CCDC85A: variants seen among roughly 807,000 people sequenced by gnomAD.
CCDC85A encodes the protein coiled-coil domain-containing protein 85A.
A neutral mutation model predicts 50.2 loss-of-function variants in CCDC85A; 38 were observed. The ratio of observed to expected loss-of-function variants is 0.76; its 90% CI spans 0.58 to 0.99. CCDC85A has a LOEUF of 0.99. Ranked by LOEUF, CCDC85A falls within the 50% of genes least tolerant of loss-of-function variation. CCDC85A has a pLI of 0.00. For missense variants in CCDC85A, 820 were observed against 742.0 expected (o/e 1.11, Z -1.22); for synonymous variants, 366 against 301.4 (o/e 1.21, Z -2.22).
chr2:56,266,030 A>T (rs1414471431), intron 2 of CCDC85A, among the ~76,000 whole-genome samples: 2 of 152,186 alleles, frequency 1.3e-5, no homozygotes, highest in African/African-American at 4.8e-5. Flanking sequence ...TGCTAAGTGA[A>T]ATAAGCCAGA....
At chr2:56,247,754 A>G (rs950676598) in intron 2 of CCDC85A, among the ~76,000 whole-genome samples, 1 of 152,228 alleles carries the variant, frequency 6.6e-6, no homozygotes, top group African/African-American at 2.4e-5. Context: ...TAGATGATAT[A>G]TTTTTCCTTC....
chr2:56,322,534 C>T (rs531145662), intron 2 of CCDC85A, among the ~76,000 whole-genome samples: 2 of 152,222 alleles, frequency 1.3e-5, no homozygotes, highest in Non-Finnish European at 2.9e-5. Context: ...CCAACAGACA[C>T]ATGAAAAAAT....
intron 2 of CCDC85A, among the ~76,000 whole-genome samples, chr2:56,250,700 T>C (rs1297444899): frequency 7.9e-5 from 12 of 152,322 alleles, no homozygotes; most frequent in Admixed American, 7.8e-4. Flanking sequence ...GTGTGCTTCT[T>C]GAAAAAATAT....
intron 2 of CCDC85A, among the ~76,000 whole-genome samples, chr2:56,308,404 G>T (rs1440934646): frequency 6.6e-6 from 1 of 152,002 alleles, no homozygotes; most frequent in African/African-American, 2.4e-5. Context: ...GTTTTATTTC[G>T]GAAGCTGCTG....
chr2:56,324,142 A>C (rs935178985), intron 2 of CCDC85A, among the ~76,000 whole-genome samples: 1 of 152,136 alleles, frequency 6.6e-6, no homozygotes, highest in Admixed American at 6.6e-5. Context: ...TGTGTATAAC[A>C]TGTTGATTTA....
chr2:56,379,162 C>T (rs183881753), intron 5 of CCDC85A, among the ~76,000 whole-genome samples: 14 of 152,170 alleles, frequency 9.2e-5, no homozygotes, highest in Admixed American at 9.2e-4. Context: ...CAAATATTTT[C>T]ACTATAAGGA....
At chr2:56,222,402 A>G (rs969779132) in intron 2 of CCDC85A, among the ~76,000 whole-genome samples, 2 of 152,166 alleles carry the variant, frequency 1.3e-5, no homozygotes, top group African/African-American at 4.8e-5. Flanking sequence ...GTAACCCATT[A>G]TGCCATATCT....
chr2:56,204,360 T>C (rs1676874360), intron 2 of CCDC85A, among the ~76,000 whole-genome samples: 1 of 152,154 alleles, frequency 6.6e-6, no homozygotes, highest in African/African-American at 2.4e-5. Flanking sequence ...TGCAACAAAG[T>C]TCATTTATAG....
intron 2 of CCDC85A, among the ~76,000 whole-genome samples, chr2:56,327,974 C>G (rs1673563333): frequency 6.6e-6 from 1 of 151,838 alleles, no homozygotes; most frequent in African/African-American, 2.4e-5. Context: ...TCACAACAAT[C>G]TAATAAGGAA....
At chr2:56,326,074 G>A (rs1270089506) in intron 2 of CCDC85A, among the ~76,000 whole-genome samples, 1 of 152,092 alleles carries the variant, frequency 6.6e-6, no homozygotes, top group Non-Finnish European at 1.5e-5. Flanking sequence ...TTTGAAACTT[G>A]CTTAATTTGG....
rs561654324 is a variant in CCDC85A, at chr2:56,312,413, GTA to G, written c.1241-30463_1241-30462del. Reference sequence around the variant, plus strand: ...TGACTCCAGAAGTTTAGGTTTGAATGTATAATGTAATAAAGTTGTATTTTGTG... The same window carrying G: ...TGACTCCAGAAGTTTAGGTTTGAATGTAATGTAATAAAGTTGTATTTTGTG... On this transcript the variant is annotated intron_variant, in intron 2 of 5. Coordinates refer to ENST00000407595, the MANE Select transcript of CCDC85A (RefSeq NM_001080433.2). Among the ~76,000 whole-genome samples, 20 of 152,202 alleles carry G rather than the reference GTA, an allele frequency of 1.3e-4. No homozygotes were observed. In the East Asian group the frequency reaches 3.7e-3, roughly 28 times the overall value.
intron 2 of CCDC85A, among the ~76,000 whole-genome samples, chr2:56,271,546 G>C (rs1670696970): frequency 6.6e-6 from 1 of 152,166 alleles, no homozygotes; most frequent in Admixed American, 6.6e-5. Flanking sequence ...TTTTAGGACA[G>C]AGATGCTGGG....
chr2:56,215,879 G>A (rs1417376197), intron 2 of CCDC85A, among the ~76,000 whole-genome samples: 2 of 151,590 alleles, frequency 1.3e-5, no homozygotes, highest in East Asian at 1.9e-4. Context: ...TTAAGTGGTT[G>A]GAAAAGATCT....
At chr2:56,290,932 A>G (rs1389915257) in intron 2 of CCDC85A, among the ~76,000 whole-genome samples, 1 of 152,246 alleles carries the variant, frequency 6.6e-6, no homozygotes, top group African/African-American at 2.4e-5. Flanking sequence ...TTAATATGCT[A>G]AAACACACTG....
intron 2 of CCDC85A, among the ~76,000 whole-genome samples, chr2:56,261,806 T>G (rs1670230111): frequency 6.6e-6 from 1 of 152,100 alleles, no homozygotes; most frequent in African/African-American, 2.4e-5. Context: ...CAAATTGTGT[T>G]GTAGGTGAAG....
chr2:56,205,637 GAGT>G (rs1417168707), intron 2 of CCDC85A, among the ~76,000 whole-genome samples: 2 of 152,188 alleles, frequency 1.3e-5, no homozygotes, highest in Non-Finnish European at 2.9e-5. Flanking sequence ...TCATGGATGT[GAGT>G]AGTAGTAGGA....
chr2:56,258,188 A>G (rs924023659), intron 2 of CCDC85A, among the ~76,000 whole-genome samples: 1 of 152,158 alleles, frequency 6.6e-6, no homozygotes, highest in Non-Finnish European at 1.5e-5. Flanking sequence ...GGGGGAGGCC[A>G]TGGAAGCATG....
At chr2:56,251,336 T>C (rs921409060) in intron 2 of CCDC85A, among the ~76,000 whole-genome samples, 3 of 152,102 alleles carry the variant, frequency 2.0e-5, no homozygotes, top group South Asian at 2.1e-4. Context: ...TATCTGAAAA[T>C]GTTGGGCCCA....
intron 2 of CCDC85A, among the ~76,000 whole-genome samples, chr2:56,305,063 A>G (rs1438030076): frequency 6.6e-6 from 1 of 151,490 alleles, no homozygotes; most frequent in Non-Finnish European, 1.5e-5. Context: ...AGATTGTACC[A>G]CTGCACTCCA....
Sources: gnomAD v4.1 joint callset for allele counts (sites outside exome capture counted in the v4.1 genomes callset) on GRCh38, gnomAD v4.1.1 for gene constraint, MANE v1.5 for transcripts, NCBI Gene and HGNC (gene_info 2026-07-23, HGNC 2026-07-21) for gene names.